The following PCDHGB3 variants were observed in gnomAD, a reference collection of about 807,000 sequenced individuals.
The protein encoded by PCDHGB3 is protocadherin gamma-B3.
A neutral mutation model predicts 59.2 loss-of-function variants in PCDHGB3; 40 were observed. That is an observed-to-expected ratio of 0.68 (90% CI 0.52 to 0.88). The LOEUF is 0.88. Ranked by LOEUF, PCDHGB3 falls within the 40% of genes least tolerant of loss-of-function variation. The pLI is 0.00. For synonymous variants in PCDHGB3, 581 were observed against 503.6 expected, an observed-to-expected ratio of 1.15 and a Z score of -2.06; for missense variants, 1,309 against 1,187.9, an observed-to-expected ratio of 1.10 and a Z score of -1.50.
At chr5:141,376,392 TC>T (rs1163075559) in intron 1 of PCDHGB3, 5 of 1,614,092 alleles carry the variant, frequency 3.1e-6, no homozygotes, top group Non-Finnish European at 4.2e-6. Flanking sequence ...CATCTGATTT[TC>T]CCCCAGCCCA....
At chr5:141,412,938 T>C (rs2095590973) in intron 1 of PCDHGB3, 3 of 461,786 alleles carry the variant, frequency 6.5e-6, no homozygotes, top group Admixed American at 7.7e-5. Context: ...TTCTTAGGAC[T>C]CTGAGCGCCG....
At chr5:141,389,408 G>A (rs2091745894) in intron 1 of PCDHGB3, 6 of 1,613,494 alleles carry the variant, frequency 3.7e-6, no homozygotes, top group Admixed American at 1.7e-5. Flanking sequence ...TAAGCGCGGA[G>A]AGCGGGGTGG....
chr5:141,393,465 G>T, intron 1 of PCDHGB3: 1 of 1,614,048 alleles, frequency 6.2e-7, no homozygotes, highest in Non-Finnish European at 8.5e-7. Context: ...CTCGGATGGC[G>T]GCAAGCCGCC....
intron 1 of PCDHGB3, chr5:141,417,918 T>C (rs1371704441): frequency 1.2e-6 from 2 of 1,605,528 alleles, no homozygotes; most frequent in Non-Finnish European, 8.5e-7. Context: ...CTATTTCCTT[T>C]GCTGCTGCCT....
rs1421670958 is a variant in PCDHGB3, at chr5:141,432,558, A to C, written c.2415+59749A>C. ...GTGGCGGTGGACAGAGACTCCGGCC[A>C]GAACGCCTGGCTGTCCTACCGTCTG... On this transcript the variant is annotated intron_variant, in intron 1 of 3. Transcript: ENST00000576222. This position sits in a 1 kb window ranked among gnomAD's most constrained non-coding sequence, Gnocchi z 6.0. The C allele has an allele frequency of 1.9e-6, 3 of 1,613,756 alleles. No individual in the cohort carries two copies. The highest frequency in any genetic ancestry group is 2.2e-5 in the South Asian group (2 of 91,060).
chr5:141,421,188 C>T lies in PCDHGB3; in HGVS notation c.2415+48379C>T, dbSNP rs1364019876. 2.0e-6 allele frequency: 3 copies of T among 1,471,410 alleles called. No individual in the cohort carries two copies. The South Asian group carries it at 4.0e-5, about 20-fold the overall frequency. The allele number at this position is 1,471,410 out of a possible 1,614,324, so 91.1% of individuals were successfully genotyped here. A position where few individuals can be genotyped will look rare whatever the true frequency, so the allele number is the denominator to read the frequency against. The stretch of plus-strand genomic sequence containing the variant: ...GATACATAAGCCGATTCACAACCAA[C>T]CAGCTCGAGAAACCGCGGAATATCG... On this transcript the variant is annotated intron_variant, in intron 1 of 3. Coordinates refer to ENST00000576222, the MANE Select transcript of PCDHGB3 (RefSeq NM_018924.5).
chr5:141,409,233 G>A, intron 1 of PCDHGB3: 2 of 1,614,008 alleles, frequency 1.2e-6, no homozygotes, highest in Non-Finnish European at 1.7e-6. Flanking sequence ...AACGACAACA[G>A]CCCAGAAATA....
intron 1 of PCDHGB3, chr5:141,383,013 G>T: frequency 6.2e-7 from 1 of 1,613,828 alleles, no homozygotes; most frequent in South Asian, 1.1e-5. Context: ...TGTCGGAGGA[G>T]ACGGACAAAG....
chr5:141,486,030 C>A lies in PCDHGB3; in HGVS notation c.2416-8777C>A. The A allele has an allele frequency of 6.2e-7, 1 of 1,614,164 alleles. No homozygotes were observed. The highest frequency in any genetic ancestry group is 8.5e-7 in the Non-Finnish European group (1 of 1,180,012). ...ACCTTTTATTTCAGTGGTCATACCC[C>A]TGATCGTGTAAGAAACCTCTTTAGC... On this transcript the variant is annotated intron_variant, in intron 1 of 3. Coordinates refer to ENST00000576222, the MANE Select transcript of PCDHGB3 (RefSeq NM_018924.5). The surrounding 1 kb of genome is among the most constrained non-coding windows in gnomAD (Gnocchi z 5.0).
chr5:141,383,111 G>T, intron 1 of PCDHGB3: 1 of 1,614,040 alleles, frequency 6.2e-7, no homozygotes, highest in Non-Finnish European at 8.5e-7. Context: ...TCCAGAGGTA[G>T]GACGCAGCTT....
At chr5:141,388,133 G>T (rs2091251188) in intron 1 of PCDHGB3, 3 of 1,450,776 alleles carry the variant, frequency 2.1e-6, no homozygotes. Flanking sequence ...AGAGCGGGGA[G>T]TTGCTTGTGA....
Position 141,431,151 on chromosome 5 carries a change from C to T in PCDHGB3, c.2415+58342C>T, listed in dbSNP as rs764416448. The T allele has an allele frequency of 6.2e-7, 1 of 1,614,126 alleles. No individual in the cohort carries two copies. Among genetic ancestry groups the T allele is most frequent in the African/African-American group, 1.3e-5 (1 of 74,954 alleles). On this transcript the variant is annotated intron_variant, in intron 1 of 3. Coordinates refer to ENST00000576222, the MANE Select transcript of PCDHGB3 (RefSeq NM_018924.5). The surrounding 1 kb of genome is among the most constrained non-coding windows in gnomAD (Gnocchi z 4.8). ...GTAAGGGACATTAACGACAATGCGC[C>T]TTACTTTCGTGAAAGTGAATTAGAA...
intron 1 of PCDHGB3, chr5:141,393,813 C>G (rs376904307): frequency 1.2e-6 from 2 of 1,613,814 alleles, no homozygotes; most frequent in Non-Finnish European, 8.5e-7. Flanking sequence ...GACCAAATTG[C>G]TCATTTCGGT....
chr5:141,392,615 C>A (rs2092564205), intron 1 of PCDHGB3: 1 of 536,798 alleles, frequency 1.9e-6, no homozygotes, highest in Non-Finnish European at 3.2e-6. Context: ...CAAATGCAAC[C>A]GAAAACACTC....
At chr5:141,413,729 G>C (rs2095671676) in intron 1 of PCDHGB3, 1 of 1,613,378 alleles carries the variant, frequency 6.2e-7, no homozygotes, top group Non-Finnish European at 8.5e-7. Flanking sequence ...TTCTCCCTAA[G>C]AGTTCAGAGC....
At chr5:141,499,730 T>C (rs1412528402) in intron 2 of PCDHGB3, among the ~76,000 whole-genome samples, 1 of 143,912 alleles carries the variant, frequency 6.9e-6, no homozygotes, top group East Asian at 2.1e-4. Context: ...AGTCTCACTC[T>C]CTTGCCCAGG....
chr5:141,398,829 C>G (rs1020690994), intron 1 of PCDHGB3: 2 of 1,613,876 alleles, frequency 1.2e-6, no homozygotes, highest in African/African-American at 1.3e-5. Context: ...AGGTAACCGA[C>G]GCCAATGATA....
At chr5:141,415,462 C>T in intron 1 of PCDHGB3, 1 of 1,614,220 alleles carries the variant, frequency 6.2e-7, no homozygotes. Context: ...CGAGGTCTCT[C>T]TCACCGCGGA....
chr5:141,505,371 C>T (rs2099845827), intron 2 of PCDHGB3, 22 bp from the exon 3 acceptor site: 4 of 1,613,980 alleles, frequency 2.5e-6, no homozygotes, highest in Non-Finnish European at 3.4e-6. Context: ...AGTCTGTGCT[C>T]ACCATCCTAC....
Sources: allele counts gnomAD v4.1 joint callset (sites outside exome capture counted in the v4.1 genomes callset), GRCh38; gene constraint gnomAD v4.1.1; non-coding constraint Gnocchi (gnomAD v3.1); transcripts MANE v1.5; gene names NCBI Gene and HGNC (gene_info 2026-07-23, HGNC 2026-07-21).